LMO2: variants seen among roughly 807,000 people sequenced by gnomAD.
LMO2 encodes the protein rhombotin-2.
In LMO2, 20 loss-of-function variants were observed where a neutral mutation model predicts 23.2. The observed-to-expected ratio is 0.86, with a 90% CI of 0.61 to 1.25. The LOEUF is 1.25. Among genes scored for constraint, LMO2 ranks in the 50% most tolerant of loss-of-function variants. LMO2 has a pLI of 0.00. For missense variants in LMO2, 270 were observed against 315.3 expected (o/e 0.86, Z 1.09); for synonymous variants, 123 against 130.2 (o/e 0.94, Z 0.38).
chr11:33,878,963 T>C (rs913233206), intron 2 of LMO2, among the ~76,000 whole-genome samples: 1 of 152,218 alleles, frequency 6.6e-6, no homozygotes, highest in Non-Finnish European at 1.5e-5. Context: ...ATGTTATCAA[T>C]TGCCCAGTTC....
chr11:33,872,036 ATCCCAGCACTT>A (rs778130786), intron 2 of LMO2, among the ~76,000 whole-genome samples: 5 of 151,982 alleles, frequency 3.3e-5, no homozygotes, highest in Non-Finnish European at 7.4e-5. Flanking sequence ...GGCCGAGGCG[ATCCCAGCACTT>A]TGAGAGGCCG....
rs150208309 is a variant in LMO2 at position 33,889,576 on chromosome 11, C to T, written c.-336+2219G>A. ...TGTCAGCTAGAAAACAAGTACTTGC[C>T]ATGTGCCAAACACTCCTAGGCTCTT... On this transcript the variant is annotated intron_variant, in intron 1 of 5. Transcript: ENST00000257818. Among the ~76,000 whole-genome samples, 1,263 of 152,322 alleles carry T rather than the reference C, an allele frequency of 8.3e-3. 17 individuals carry two copies. The highest frequency in any genetic ancestry group is 0.011 in the Non-Finnish European group (750 of 68,020).
intron 4 of LMO2, 21 bp downstream of exon 4, chr11:33,869,325 G>A (rs1856913658): frequency 2.5e-6 from 3 of 1,179,746 alleles, no homozygotes; most frequent in African/African-American, 3.2e-5. Context: ...GGGGTGGCAG[G>A]GGCAGGGGGG....
intron 2 of LMO2, among the ~76,000 whole-genome samples, chr11:33,872,886 C>T (rs577082666): frequency 1.6e-4 from 24 of 152,184 alleles, no homozygotes; most frequent in Admixed American, 1.1e-3. Context: ...CTCAGCCTCC[C>T]GAGTAGCTGG....
At chr11:33,863,940 T>A (rs1008669014) in intron 5 of LMO2, among the ~76,000 whole-genome samples, 1 of 152,220 alleles carries the variant, frequency 6.6e-6, no homozygotes, top group Non-Finnish European at 1.5e-5. Flanking sequence ...AGGTAGGTGC[T>A]ATTATCATCC....
intron 1 of LMO2, among the ~76,000 whole-genome samples, chr11:33,889,947 G>C (rs1475636004): frequency 6.6e-6 from 1 of 152,180 alleles, no homozygotes; most frequent in Non-Finnish European, 1.5e-5. Flanking sequence ...ATATGCAATG[G>C]AATATTATTC....
At chr11:33,889,487 G>A (rs1857492404) in intron 1 of LMO2, among the ~76,000 whole-genome samples, 1 of 152,164 alleles carries the variant, frequency 6.6e-6, no homozygotes, top group African/African-American at 2.4e-5. Context: ...GTCAGACAAG[G>A]GTCCATTCTC....
intron 4 of LMO2, among the ~76,000 whole-genome samples, chr11:33,867,660 T>C (rs933749489): frequency 6.6e-6 from 1 of 152,198 alleles, no homozygotes; most frequent in Non-Finnish European, 1.5e-5. Context: ...AGAATCTGTC[T>C]TCGTTGGGCA....
At chr11:33,889,168 C>T (rs1857484380) in intron 1 of LMO2, among the ~76,000 whole-genome samples, 1 of 152,164 alleles carries the variant, frequency 6.6e-6, no homozygotes, top group African/African-American at 2.4e-5. Flanking sequence ...GCAGTGGGAC[C>T]TCAGAGGCTA....
At chr11:33,863,439 A>C (rs1856655979) in intron 5 of LMO2, among the ~76,000 whole-genome samples, 1 of 152,072 alleles carries the variant, frequency 6.6e-6, no homozygotes, top group Non-Finnish European at 1.5e-5. Flanking sequence ...ATAATGTAAA[A>C]TGCTCTGAGG....
chr11:33,873,773 C>T (rs146334602), intron 2 of LMO2, among the ~76,000 whole-genome samples: 165 of 152,270 alleles, frequency 1.1e-3, no homozygotes, highest in African/African-American at 3.8e-3. Context: ...TCAATCTACA[C>T]GATGGCTCTG....
chr11:33,890,542 G>C (rs1857520782), intron 1 of LMO2, among the ~76,000 whole-genome samples: 1 of 152,134 alleles, frequency 6.6e-6, no homozygotes, highest in Admixed American at 6.5e-5. Context: ...AGTAGAGACA[G>C]GGTTTCACCA....
rs1008174009 is a variant in LMO2 at position 33,859,303 on chromosome 11, T to A, written c.*53A>T. ...CCTAAGAGTGAAGACGAAGATGCCA[T>A]GGAGACGGCGTCTTCAGTGAACACC... On this transcript the variant is annotated 3_prime_UTR_variant, in exon 6 of 6. Transcript: ENST00000257818. 5 of 1,382,068 alleles carry A rather than the reference T, an allele frequency of 3.6e-6. No individual in the cohort carries two copies. In the African/African-American group the frequency reaches 5.7e-5, roughly 16 times the overall value. The allele number at this position is 1,382,068 out of a possible 1,614,324, so 85.6% of individuals were successfully genotyped here.
At chr11:33,868,615 T>G (rs1056348550) in intron 4 of LMO2, among the ~76,000 whole-genome samples, 1 of 152,186 alleles carries the variant, frequency 6.6e-6, no homozygotes, top group Non-Finnish European at 1.5e-5. Flanking sequence ...TCTGGTTCCC[T>G]GACCCCAAAC....
chr11:33,861,233 G>T (rs1244944675), intron 5 of LMO2, among the ~76,000 whole-genome samples: 1 of 152,232 alleles, frequency 6.6e-6, no homozygotes, highest in Non-Finnish European at 1.5e-5. Context: ...TTAGCAGGTG[G>T]TTTCTACATA....
chr11:33,887,230 T>C (rs961946368), intron 1 of LMO2, among the ~76,000 whole-genome samples: 3 of 152,220 alleles, frequency 2.0e-5, no homozygotes, highest in African/African-American at 7.2e-5. Flanking sequence ...TTTAAGAGAA[T>C]ATACATCATT....
At chr11:33,888,547 TCTC>T (rs145948799) in intron 1 of LMO2, among the ~76,000 whole-genome samples, 2,692 of 152,274 alleles carry the variant, frequency 0.018, 76 homozygotes, top group African/African-American at 0.06. Context: ...CCTTTGCTCT[TCTC>T]CTTCTTCCGG....
At chr11:33,866,634 A>G (rs1270336543) in intron 4 of LMO2, among the ~76,000 whole-genome samples, 1 of 151,916 alleles carries the variant, frequency 6.6e-6, no homozygotes, top group Non-Finnish European at 1.5e-5. Flanking sequence ...AAAAAAATTC[A>G]AAACTATAGT....
chr11:33,859,429 T>C lies in LMO2; in HGVS notation c.611A>G (p.Tyr204Cys). The change falls in exon 6 of 6, where the codon TAC (tyrosine) becomes TGC (cysteine). Residue 204 changes from tyrosine (Y) to cysteine (C), a missense_variant. Physicochemically the swap from Tyr to Cys is radical, Grantham distance 194. This residue lies in a region of LMO2 where 100 missense variants were observed against 153.3 expected (regional missense o/e 0.65). Transcript: ENST00000257818. ...CQKHFCVGDR[Y>C]LLINSDIVCE... ...CACTATGTCAGAGTTGATGAGGAGG[T>C]ATCTGTCACCTACACAGAAATGCTT... 1.9e-6 allele frequency: 3 copies of C among 1,614,060 alleles called. No individual in the cohort carries two copies. The highest frequency in any genetic ancestry group is 2.2e-5 in the East Asian group (1 of 44,872).
Sources: gnomAD v4.1 joint callset for allele counts (sites outside exome capture counted in the v4.1 genomes callset) on GRCh38, gnomAD v4.1.1 for gene constraint, gnomAD v4.1.1 regional missense constraint, MANE v1.5 for transcripts, NCBI Gene and HGNC (gene_info 2026-07-23, HGNC 2026-07-21) for gene names.